SIN3B: variants seen among roughly 807,000 people sequenced by gnomAD.
The protein encoded by SIN3B is paired amphipathic helix protein Sin3b.
A neutral mutation model predicts 120.2 loss-of-function variants in SIN3B; 19 were observed. The ratio of observed to expected loss-of-function variants is 0.16; its 90% CI spans 0.11 to 0.23. The LOEUF is 0.23. Ranked by LOEUF, SIN3B falls within the 10% of genes least tolerant of loss-of-function variation. SIN3B has a pLI of 1.00. For missense variants in SIN3B, 1,073 were observed against 1,573.0 expected (o/e 0.68, Z 5.38); for synonymous variants, 654 against 653.2 (o/e 1.00, Z -0.02).
intron 14 of SIN3B, among the ~76,000 whole-genome samples, chr19:16,874,022 C>T (rs574028240): frequency 2.0e-5 from 3 of 152,342 alleles, no homozygotes; most frequent in African/African-American, 4.8e-5. Context: ...GGAGTGTGGT[C>T]CCCTGACCAG....
chr19:16,850,586 T>C (rs1346439174), intron 5 of SIN3B, among the ~76,000 whole-genome samples: 1 of 152,136 alleles, frequency 6.6e-6, no homozygotes, highest in African/African-American at 2.4e-5. Flanking sequence ...TTTAGGTCTT[T>C]GGGGGTGTCT....
At chr19:16,871,931 C>A (rs2144624553) in intron 14 of SIN3B, among the ~76,000 whole-genome samples, 1 of 152,236 alleles carries the variant, frequency 6.6e-6, no homozygotes, top group South Asian at 2.1e-4. Context: ...AAATTGACAA[C>A]ATGGAAAAAA....
intron 14 of SIN3B, among the ~76,000 whole-genome samples, chr19:16,873,692 G>T (rs927412393): frequency 6.6e-6 from 1 of 152,176 alleles, no homozygotes; most frequent in Non-Finnish European, 1.5e-5. Flanking sequence ...TAAAAACAAA[G>T]CAATGAAAAT....
intron 7 of SIN3B, 43 bp from the exon 8 acceptor site, chr19:16,854,100 A>C (rs1283155949): frequency 2.7e-6 from 4 of 1,479,438 alleles, no homozygotes; most frequent in Non-Finnish European, 2.8e-6. Flanking sequence ...CCAGAGGCTG[A>C]GGAGCAGGGG....
chr19:16,861,888 T>C (rs1047987961), intron 8 of SIN3B, among the ~76,000 whole-genome samples: 2 of 152,002 alleles, frequency 1.3e-5, no homozygotes, highest in Admixed American at 1.3e-4. Flanking sequence ...TAAGCTGAGA[T>C]CATGCCACTG....
At chr19:16,875,526 G>A (rs530215483) in intron 14 of SIN3B, among the ~76,000 whole-genome samples, 1 of 143,234 alleles carries the variant, frequency 7.0e-6, no homozygotes, top group African/African-American at 2.7e-5. Flanking sequence ...TGTTTGGTCT[G>A]GTCTGGTCTG....
rs530799566 is a variant in SIN3B at position 16,878,196 on chromosome 19, T to G, written c.2968T>G (p.Phe990Val). 1 of 1,575,138 alleles carries G rather than the reference T, an allele frequency of 6.3e-7. No individual in the cohort carries two copies. Among genetic ancestry groups the G allele is most frequent in the East Asian group, 2.3e-5 (1 of 43,008 alleles). Residue 990 changes from phenylalanine to valine, a missense_variant, in exon 18 of 19, where the codon TTC becomes GTC. Around this residue, in one of 7 missense-constraint regions of SIN3B, gnomAD observed 311 missense variants for 400.3 expected, o/e 0.78. Coordinates refer to ENST00000248054, the MANE Select transcript of SIN3B (RefSeq NM_001297595.2). ...PVFLQRNLKKFRRRWQSEQAR... is the reference protein window; with the variant it reads ...PVFLQRNLKKVRRRWQSEQAR... ...TTTCGCCCCCAGGAACCTCAAGAAG[T>G]TCCGCCGCCGGTGGCAGAGCGAGCA...
At chr19:16,873,562 C>T (rs2051541478) in intron 14 of SIN3B, among the ~76,000 whole-genome samples, 1 of 138,454 alleles carries the variant, frequency 7.2e-6, no homozygotes, top group Non-Finnish European at 1.6e-5. Context: ...TGGGCCATGG[C>T]TTCGGGGACA....
intron 3 of SIN3B, among the ~76,000 whole-genome samples, chr19:16,835,049 C>T (rs533413445): frequency 2.5e-4 from 38 of 151,960 alleles, no homozygotes; most frequent in African/African-American, 7.7e-4. Context: ...CCCTCAGCCT[C>T]CTGAGTAACT....
At chr19:16,838,634 G>C (rs576420021) in intron 3 of SIN3B, among the ~76,000 whole-genome samples, 2 of 152,142 alleles carry the variant, frequency 1.3e-5, no homozygotes, top group Non-Finnish European at 2.9e-5. Context: ...GTGCTGCAAC[G>C]AACATTCATG....
chr19:16,837,464 G>A (rs1971362661), intron 3 of SIN3B, among the ~76,000 whole-genome samples: 1 of 151,904 alleles, frequency 6.6e-6, no homozygotes, highest in East Asian at 1.9e-4. Context: ...AGGACAGAAT[G>A]GATGGTAACA....
chr19:16,839,142 A>G (rs532288302), intron 3 of SIN3B, among the ~76,000 whole-genome samples: 5 of 151,412 alleles, frequency 3.3e-5, no homozygotes, highest in South Asian at 2.1e-4. Flanking sequence ...TAATTTTTGT[A>G]TTTTTAGTGG....
At chr19:16,863,651 G>T in intron 9 of SIN3B, 29 bp from the exon 10 acceptor site, 2 of 1,442,546 alleles carry the variant, frequency 1.4e-6, no homozygotes, top group Non-Finnish European at 2.0e-6. Flanking sequence ...GGCATGCAGC[G>T]TCATTCACGG....
intron 10 of SIN3B, among the ~76,000 whole-genome samples, chr19:16,864,402 C>T (rs969859828): frequency 1.5e-4 from 23 of 151,944 alleles, no homozygotes; most frequent in African/African-American, 4.3e-4. Context: ...AATCATGGAT[C>T]GCTGCAGCCT....
chr19:16,864,759 G>A (rs577440409), intron 10 of SIN3B, among the ~76,000 whole-genome samples: 1 of 151,612 alleles, frequency 6.6e-6, no homozygotes, highest in Non-Finnish European at 1.5e-5. Context: ...GGGAGGCTGA[G>A]GTGGGAGGAC....
chr19:16,834,653 C>G (rs989376399), intron 3 of SIN3B, among the ~76,000 whole-genome samples: 1 of 152,106 alleles, frequency 6.6e-6, no homozygotes, highest in African/African-American at 2.4e-5. Context: ...CTTCGGGGGC[C>G]CCTGGGAGCC....
Position 16,830,788 on chromosome 19 carries a change from C to T in SIN3B, c.228-706C>T, listed in dbSNP as rs58686952. Among the ~76,000 whole-genome samples the T allele has an allele frequency of 1.8e-4, 28 of 152,306 alleles. No homozygotes were observed. In the East Asian group the frequency reaches 5.2e-3, roughly 28 times the overall value. Reference sequence around the variant, plus strand: ...TATTTATGCATTGCAATTGTTTGCTCAGATGGAAACCTGTGTCATAGTCAT... The same window carrying T: ...TATTTATGCATTGCAATTGTTTGCTTAGATGGAAACCTGTGTCATAGTCAT... On this transcript the variant is annotated intron_variant, in intron 2 of 18. Coordinates refer to ENST00000248054, the MANE Select transcript of SIN3B (RefSeq NM_001297595.2).
intron 3 of SIN3B, among the ~76,000 whole-genome samples, chr19:16,836,814 C>G (rs1971354331): frequency 6.6e-6 from 1 of 152,184 alleles, no homozygotes; most frequent in Non-Finnish European, 1.5e-5. Context: ...TTAAGCAGCC[C>G]CTCGACATTC....
In SIN3B at chr19:16,866,363, C is replaced by T; in HGVS notation, c.1623-10C>T. On this transcript the variant is annotated splice_polypyrimidine_tract_variant and intron_variant, in intron 11 of 18. Transcript: ENST00000248054. ...CTTGTCCCTGGTGCTGACCTCTCTT[C>T]CCCCCGCAGACTGAAGGCCAAGGAA... is the stretch of plus-strand genomic sequence containing the variant. 5 of 1,606,918 alleles carry T rather than the reference C, an allele frequency of 3.1e-6. No individual in the cohort carries two copies. Among genetic ancestry groups the T allele is most frequent in the Non-Finnish European group, 4.3e-6 (5 of 1,176,370 alleles).
Sources: allele counts gnomAD v4.1 joint callset (sites outside exome capture counted in the v4.1 genomes callset), GRCh38; gene constraint gnomAD v4.1.1; regional missense constraint gnomAD v4.1.1; transcripts MANE v1.5; gene names NCBI Gene and HGNC (gene_info 2026-07-23, HGNC 2026-07-21).